Variants in WDR7 observed in about 807,000 individuals in gnomAD.
WDR7 encodes the protein WD repeat domain 7, also known as WD repeat-containing protein 7.
In WDR7, 46 loss-of-function variants were observed where a neutral mutation model predicts 169.4. That is an observed-to-expected ratio of 0.27 (90% confidence interval 0.21 to 0.35). WDR7 has a LOEUF of 0.35. Among genes scored for constraint, WDR7 ranks in the 10% least tolerant of loss-of-function variants. The pLI is 1.00. For missense variants in WDR7, 1,534 were observed against 1,859.3 expected (o/e 0.83, Z 3.22); for synonymous variants, 612 against 666.8 (o/e 0.92, Z 1.27).
At chr18:56,959,530 T>C (rs548043936) in intron 25 of WDR7, among the ~76,000 whole-genome samples, 36 of 152,236 alleles carry the variant, frequency 2.4e-4, no homozygotes, top group African/African-American at 8.2e-4. Flanking sequence ...CAAACATGAA[T>C]ATAAAAATGG....
At chr18:56,841,544 T>TAA (rs760187510) in intron 20 of WDR7, among the ~76,000 whole-genome samples, 2 of 121,086 alleles carry the variant, frequency 1.7e-5, no homozygotes, top group Admixed American at 8.5e-5. Flanking sequence ...AGACTCTGTC[T>TAA]AAAAAAAAAA....
In WDR7 at chr18:56,691,273, A is replaced by T. The variant is rs773934187; in HGVS notation, c.775A>T (p.Thr259Ser). 1 of 1,610,068 alleles carries T rather than the reference A, an allele frequency of 6.2e-7. No individual in the cohort carries two copies. The change falls in exon 8 of 28, where the codon ACA (threonine) becomes TCA (serine). Residue 259 changes from threonine to serine, a missense_variant. Physicochemically the swap from Thr to Ser is moderately conservative, Grantham distance 58. Transcript: ENST00000254442. ...TTCAGGTCCTAGTGAAAATGGACAG[A>T]CATGGACCGGGGGGGACTTTGTCTC... is the stretch of plus-strand genomic sequence containing the variant. ...LCSGPSENGQ[T>S]WTGGDFVSSD...
chr18:56,781,701 A>T, intron 19 of WDR7, 45 bp downstream of exon 19: 5 of 1,488,296 alleles, frequency 3.4e-6, no homozygotes, highest in Non-Finnish European at 4.5e-6. Flanking sequence ...AGGAATATGT[A>T]GAAAAGGTAC....
intron 21 of WDR7, among the ~76,000 whole-genome samples, chr18:56,908,486 C>G (rs2046509635): frequency 6.6e-6 from 1 of 152,102 alleles, no homozygotes; most frequent in Non-Finnish European, 1.5e-5. Flanking sequence ...ACATAAAACT[C>G]CTTTGCAGAT....
At chr18:57,004,550 A>C (rs985633355) in intron 26 of WDR7, among the ~76,000 whole-genome samples, 1 of 152,134 alleles carries the variant, frequency 6.6e-6, no homozygotes, top group Non-Finnish European at 1.5e-5. Flanking sequence ...AATTCCAAAC[A>C]AACTTTAGGA....
At chr18:56,800,653 ACTGT>A (rs2044656879) in intron 19 of WDR7, among the ~76,000 whole-genome samples, 1 of 151,968 alleles carries the variant, frequency 6.6e-6, no homozygotes, top group South Asian at 2.1e-4. Flanking sequence ...GCTCCTAATA[ACTGT>A]CTGAGGAATA....
At chr18:56,761,334 G>C (rs975478250) in intron 16 of WDR7, among the ~76,000 whole-genome samples, 9 of 152,148 alleles carry the variant, frequency 5.9e-5, no homozygotes, top group Non-Finnish European at 1.3e-4. Flanking sequence ...ATAGATGATA[G>C]TATGTTTCTG....
At position 56,690,817 on chromosome 18, in the gene WDR7, GA is replaced by G. The variant is rs61215067; in HGVS notation, c.718-386del. ...GTGGCAGAGCAAGACTTTGTCTCAA[GA>G]AAAAAAAAAAAATGCTGTTACTAGA... On this transcript the variant is annotated intron_variant, in intron 7 of 27. Transcript: ENST00000254442. Among the ~76,000 whole-genome samples, 290 of 149,632 alleles carry G rather than the reference GA, an allele frequency of 1.9e-3. 1 individual carries two copies. The highest frequency in any genetic ancestry group is 6.3e-3 in the African/African-American group (253 of 40,368).
chr18:56,700,565 CTTT>C (rs71169389), intron 12 of WDR7, among the ~76,000 whole-genome samples: 8 of 115,838 alleles, frequency 6.9e-5, no homozygotes, highest in East Asian at 2.6e-4. Flanking sequence ...AATATTGTTT[CTTT>C]TTTTTTTTTT....
intron 26 of WDR7, among the ~76,000 whole-genome samples, chr18:57,003,251 T>G (rs1015525757): frequency 1.3e-5 from 2 of 152,090 alleles, no homozygotes; most frequent in Non-Finnish European, 2.9e-5. Flanking sequence ...ATAAAGAACT[T>G]TTATAAATCT....
chr18:57,007,224 C>CCGCCT (rs1243417331), intron 26 of WDR7, among the ~76,000 whole-genome samples: 15 of 152,168 alleles, frequency 9.9e-5, no homozygotes, highest in Middle Eastern at 3.2e-3. Flanking sequence ...CGTGATCCAC[C>CCGCCT]CGCCTTGGCC....
chr18:56,818,496 G>A lies in WDR7; in HGVS notation c.3304+2352G>A, dbSNP rs541609458. Among the ~76,000 whole-genome samples the A allele has an allele frequency of 8.5e-5, 13 of 152,228 alleles. No homozygotes were observed. The South Asian group carries it at 2.5e-3, about 29-fold the overall frequency. On this transcript the variant is annotated intron_variant, in intron 20 of 27. Coordinates refer to ENST00000254442, the MANE Select transcript of WDR7 (RefSeq NM_015285.3). The stretch of plus-strand genomic sequence containing the variant: ...TTATCTGCTGATTTATCCATTTCCT[G>A]TCATGGGTACTAGAGGCAAGAATGT...
At chr18:56,750,668 G>C (rs2043777566) in intron 14 of WDR7, among the ~76,000 whole-genome samples, 1 of 152,206 alleles carries the variant, frequency 6.6e-6, no homozygotes, top group South Asian at 2.1e-4. Context: ...ATTTGACATT[G>C]TTAAGAATAT....
At chr18:56,867,595 T>A (rs72917314) in intron 20 of WDR7, among the ~76,000 whole-genome samples, 1,859 of 152,256 alleles carry the variant, frequency 0.012, 12 homozygotes, top group Middle Eastern at 0.034. Context: ...GAAACAGATT[T>A]GTTTTAAAAT....
chr18:56,930,830 G>A (rs891935603), intron 22 of WDR7, among the ~76,000 whole-genome samples: 1 of 151,980 alleles, frequency 6.6e-6, no homozygotes, highest in African/African-American at 2.4e-5. Context: ...CTCCTCCACC[G>A]GCCCCCCTGG....
chr18:56,902,084 C>A (rs190053280), intron 21 of WDR7, among the ~76,000 whole-genome samples: 297 of 152,274 alleles, frequency 2.0e-3, no homozygotes, highest in African/African-American at 6.8e-3. Flanking sequence ...ACAAAGCAGT[C>A]TGCTCAGAAT....
chr18:56,723,241 A>G lies in WDR7; in HGVS notation c.1774+5082A>G, dbSNP rs73958307. 6.0e-3 allele frequency among the ~76,000 whole-genome samples: 895 copies of G among 150,368 alleles called. 10 individuals carry two copies. Among genetic ancestry groups the G allele is most frequent in the African/African-American group, 0.02 (803 of 41,056 alleles). On this transcript the variant is annotated intron_variant, in intron 13 of 27. Transcript: ENST00000254442. ...TTGTTTAAAACAAACAAAAGTATCT[A>G]TGATATTTTAAGGAAATTTGAGTAA... is the stretch of plus-strand genomic sequence containing the variant.
intron 5 of WDR7, among the ~76,000 whole-genome samples, chr18:56,683,882 C>T (rs2025396315): frequency 6.6e-6 from 1 of 152,120 alleles, no homozygotes; most frequent in Non-Finnish European, 1.5e-5. Context: ...TTATCGAATG[C>T]CTACAGTCTT....
At chr18:56,773,880 A>G (rs1250023756) in intron 16 of WDR7, among the ~76,000 whole-genome samples, 2 of 151,892 alleles carry the variant, frequency 1.3e-5, no homozygotes, top group South Asian at 2.1e-4. Flanking sequence ...TAATTTTTTC[A>G]TGTTTTCTCT....
Sources: gnomAD v4.1 joint callset for allele counts (sites outside exome capture counted in the v4.1 genomes callset) on GRCh38, gnomAD v4.1.1 for gene constraint, MANE v1.5 for transcripts, NCBI Gene and HGNC (gene_info 2026-07-23, HGNC 2026-07-21) for gene names.